ARHGAP28: variants seen among roughly 807,000 people sequenced by gnomAD.
ARHGAP28 encodes the protein rho GTPase-activating protein 28.
Under a neutral mutation model 90.7 loss-of-function variants are expected in ARHGAP28, and 56 were observed. The observed-to-expected ratio is 0.62, with a 90% CI of 0.50 to 0.77. ARHGAP28 has a LOEUF of 0.77. ARHGAP28 is among the 30% of genes least tolerant of loss of function. The pLI is 0.00. For synonymous variants in ARHGAP28, 308 were observed against 323.3 expected, an observed-to-expected ratio of 0.95 and a Z score of 0.51; for missense variants, 869 against 900.9, an observed-to-expected ratio of 0.96 and a Z score of 0.45.
intron 3 of ARHGAP28, among the ~76,000 whole-genome samples, chr18:6,841,178 CTCCTCTCT>C (rs1333039125): frequency 2.9e-5 from 2 of 69,444 alleles, no homozygotes; most frequent in Non-Finnish European, 5.6e-5. Flanking sequence ...CTCTCTCTCT[CTCCTCTCT>C]CTCTCTCTCT....
rs776029668 is a variant in ARHGAP28 at position 6,870,855 on chromosome 18, C to T, written c.954+123C>T. ...CGCTCTATTGCCCCAGGCTGGAGTGCAGTGGCGCGATCTCGGCTCACTGCA... is the reference window on the plus strand; with the variant it reads ...CGCTCTATTGCCCCAGGCTGGAGTGTAGTGGCGCGATCTCGGCTCACTGCA... On this transcript the variant is annotated intron_variant, in intron 7 of 17. Coordinates refer to ENST00000383472, the MANE Select transcript of ARHGAP28 (RefSeq NM_001366230.1). 2.1e-5 allele frequency: 22 copies of T among 1,039,382 alleles called. No individual in the cohort carries two copies. The East Asian group carries it at 4.0e-4, about 19-fold the overall frequency. 64.4% of individuals were successfully genotyped at this position (1,039,382 alleles called of 1,614,324 possible).
chr18:6,881,186 C>T (rs1158223290), intron 10 of ARHGAP28, among the ~76,000 whole-genome samples: 1 of 152,130 alleles, frequency 6.6e-6, no homozygotes, highest in Non-Finnish European at 1.5e-5. Context: ...ATGAGCTAAT[C>T]CTTATTAGGA....
intron 5 of ARHGAP28, among the ~76,000 whole-genome samples, chr18:6,861,072 G>A (rs765283236): frequency 2.6e-5 from 4 of 152,156 alleles, no homozygotes; most frequent in Non-Finnish European, 4.4e-5. Flanking sequence ...GTAACTGTTC[G>A]AATAAGGAGT....
intron 6 of ARHGAP28, among the ~76,000 whole-genome samples, chr18:6,869,747 A>C (rs1348540657): frequency 2.0e-5 from 3 of 152,180 alleles, no homozygotes; most frequent in African/African-American, 7.2e-5. Flanking sequence ...TCCCCTAGTC[A>C]GTGCCTACAG....
chr18:6,836,238 GAGA>G (rs1257811813), intron 2 of ARHGAP28: 1 of 152,550 alleles, frequency 6.6e-6, no homozygotes, highest in Non-Finnish European at 1.5e-5. Flanking sequence ...AGATCCCAGG[GAGA>G]AGATGGCAGC....
At chr18:6,908,487 A>G (rs898797123) in intron 16 of ARHGAP28, among the ~76,000 whole-genome samples, 7 of 152,354 alleles carry the variant, frequency 4.6e-5, no homozygotes, top group Non-Finnish European at 1.0e-4. Flanking sequence ...AGTCAGCCTT[A>G]GACACCTTGC....
intron 1 of ARHGAP28, among the ~76,000 whole-genome samples, chr18:6,794,335 C>T (rs1473170161): frequency 2.0e-5 from 3 of 152,176 alleles, no homozygotes; most frequent in Non-Finnish European, 4.4e-5. Flanking sequence ...ACTTCAAAAA[C>T]ACTAGAGAAA....
chr18:6,794,262 T>G (rs2056426091), intron 1 of ARHGAP28, among the ~76,000 whole-genome samples: 1 of 152,262 alleles, frequency 6.6e-6, no homozygotes, highest in African/African-American at 2.4e-5. Flanking sequence ...CTAGTTCATA[T>G]TCTTTTTTTC....
intron 1 of ARHGAP28, among the ~76,000 whole-genome samples, chr18:6,759,453 A>G (rs866965009): frequency 2.0e-5 from 3 of 152,190 alleles, no homozygotes; most frequent in Admixed American, 6.5e-5. Flanking sequence ...GTGGTTCTTT[A>G]ATTTGTTTTT....
intron 3 of ARHGAP28, among the ~76,000 whole-genome samples, chr18:6,842,543 C>T (rs1219658096): frequency 6.6e-6 from 1 of 152,134 alleles, no homozygotes; most frequent in Non-Finnish European, 1.5e-5. Flanking sequence ...TCTTCTTTTC[C>T]TTGAATTTTC....
At chr18:6,805,008 A>G (rs2056507940) in intron 1 of ARHGAP28, among the ~76,000 whole-genome samples, 1 of 152,214 alleles carries the variant, frequency 6.6e-6, no homozygotes, top group Admixed American at 6.5e-5. Flanking sequence ...TTATATTTTT[A>G]GAGACATGGC....
chr18:6,893,867 GTTTT>G (rs5822929), intron 14 of ARHGAP28, among the ~76,000 whole-genome samples: 2 of 130,816 alleles, frequency 1.5e-5, no homozygotes, highest in African/African-American at 2.9e-5. Flanking sequence ...TTGCTTTTTG[GTTTT>G]TTTTTTTTTT....
intron 1 of ARHGAP28, among the ~76,000 whole-genome samples, chr18:6,764,426 C>A (rs937826616): frequency 6.6e-6 from 1 of 152,178 alleles, no homozygotes; most frequent in African/African-American, 2.4e-5. Context: ...TGGAGCATAT[C>A]CCCTGAGGAA....
At chr18:6,729,999 G>T (rs1204184911) in intron 1 of ARHGAP28, 56 bp downstream of exon 1, 6 of 1,293,580 alleles carry the variant, frequency 4.6e-6, no homozygotes, top group Non-Finnish European at 5.9e-6. Context: ...TGGGGGGTTC[G>T]CCGTGCAGCT....
chr18:6,770,788 G>C (rs1264872036), intron 1 of ARHGAP28, among the ~76,000 whole-genome samples: 1 of 152,108 alleles, frequency 6.6e-6, no homozygotes, highest in Non-Finnish European at 1.5e-5. Context: ...TGTGGGAGGT[G>C]GGGGGTGGGG....
intron 1 of ARHGAP28, among the ~76,000 whole-genome samples, chr18:6,817,717 C>G (rs548529115): frequency 3.9e-5 from 6 of 152,304 alleles, no homozygotes; most frequent in Admixed American, 2.0e-4. Context: ...CAGCACCAGT[C>G]ATCTTGTCCA....
At chr18:6,850,022 T>G (rs1169788476) in intron 3 of ARHGAP28, among the ~76,000 whole-genome samples, 5 of 152,180 alleles carry the variant, frequency 3.3e-5, no homozygotes, top group African/African-American at 1.2e-4. Context: ...TCTATTTGTA[T>G]GCTAGTAGAT....
intron 3 of ARHGAP28, among the ~76,000 whole-genome samples, chr18:6,843,720 G>A (rs2056844814): frequency 6.6e-6 from 1 of 152,138 alleles, no homozygotes; most frequent in Admixed American, 6.5e-5. Context: ...ATTCCTTTCA[G>A]AAAATAAATG....
At chr18:6,829,129 T>C (rs2056696426) in intron 2 of ARHGAP28, among the ~76,000 whole-genome samples, 1 of 152,214 alleles carries the variant, frequency 6.6e-6, no homozygotes, top group Admixed American at 6.5e-5. Flanking sequence ...GTGAAATGTA[T>C]TCTTACTCCT....
Sources: gnomAD v4.1 joint callset for allele counts (sites outside exome capture counted in the v4.1 genomes callset) on GRCh38, gnomAD v4.1.1 for gene constraint, MANE v1.5 for transcripts, NCBI Gene and HGNC (gene_info 2026-07-23, HGNC 2026-07-21) for gene names.